Variants in TTC17 observed in about 807,000 individuals in gnomAD.
TTC17 encodes the protein tetratricopeptide repeat protein 17.
TTC17 carries 58 observed loss-of-function variants against 143.8 expected under a neutral mutation model. The ratio of observed to expected loss-of-function variants is 0.40; its 90% CI spans 0.33 to 0.50. TTC17 has a LOEUF of 0.50. TTC17 is among the 20% of genes least tolerant of loss of function. The probability of loss-of-function intolerance (pLI) is 0.49; values close to 1 mark genes in which losing one functional copy is unlikely to be tolerated. For missense variants in TTC17, 1,273 were observed against 1,392.5 expected, an observed-to-expected ratio of 0.91 and a Z score of 1.37; for synonymous variants, 501 against 497.8, an observed-to-expected ratio of 1.01 and a Z score of -0.09.
At chr11:43,378,949 A>T (rs865986072) in intron 1 of TTC17, 17 of 310,942 alleles carry the variant, frequency 5.5e-5, no homozygotes, top group African/African-American at 3.8e-4. Flanking sequence ...TACTTTATCA[A>T]TCATTGCCAA....
chr11:43,406,049 G>A (rs934637195), intron 13 of TTC17, 98 bp downstream of exon 13: 1 of 1,342,528 alleles, frequency 7.4e-7, no homozygotes, highest in African/African-American at 1.5e-5. Flanking sequence ...TAGCTGTTGA[G>A]CTTTAAGTGT....
Position 43,450,176 on chromosome 11 carries a change from G to A in TTC17, c.2881G>A (p.Asp961Asn). 1 of 1,614,108 alleles carries A rather than the reference G, an allele frequency of 6.2e-7. No homozygotes were observed. Among genetic ancestry groups the A allele is most frequent in the Non-Finnish European group, 8.5e-7 (1 of 1,180,024 alleles). The change falls in exon 20 of 24, where the codon GAC (aspartate) becomes AAC (asparagine). Residue 961 changes from aspartate to asparagine, a missense_variant. Coordinates refer to ENST00000039989, the MANE Select transcript of TTC17 (RefSeq NM_018259.6). ...GNLPTSMHTL[D>N]HLHGVSNRAS... ...TCTCCCCACGAGTATGCATACCCTG[G>A]ACCACTTGCATGGGGTTTCCAACCG...
intron 17 of TTC17, 149 bp from the exon 18 acceptor site, chr11:43,443,907 C>A: frequency 1.0e-6 from 1 of 964,124 alleles, no homozygotes; most frequent in Non-Finnish European, 1.5e-6. Context: ...ATTTCACTAA[C>A]CATTTTTTAT....
chr11:43,400,602 G>A (rs1857811756), intron 9 of TTC17, among the ~76,000 whole-genome samples: 1 of 152,138 alleles, frequency 6.6e-6, no homozygotes, highest in African/African-American at 2.4e-5. Flanking sequence ...TTTTAGACTG[G>A]AATTCTTAAC....
intron 11 of TTC17, 27 bp from the exon 12 acceptor site, chr11:43,405,487 T>G: frequency 6.4e-7 from 1 of 1,558,948 alleles, no homozygotes; most frequent in Non-Finnish European, 8.8e-7. Context: ...CCAAAGAAAT[T>G]TATGAGAAAT....
rs763876015 is a variant in TTC17, at chr11:43,444,158, C to A, written c.2614C>A (p.Gln872Lys). ...TCAGATAGAAAATGGACATCGTTACCAAGCAAACCTAGAGATCACTGGCCC... is the reference window on the plus strand; with the variant it reads ...TCAGATAGAAAATGGACATCGTTACAAAGCAAACCTAGAGATCACTGGCCC... ...TGQIENGHRY[Q>K]ANLEITGPKV... The change falls in exon 18 of 24, where the codon CAA becomes AAA. Residue 872 changes from glutamine to lysine, a missense_variant. Coordinates refer to ENST00000039989, the MANE Select transcript of TTC17 (RefSeq NM_018259.6). 6.2e-7 allele frequency: 1 copy of A among 1,613,172 alleles called. No homozygotes were observed. The highest frequency in any genetic ancestry group is 1.1e-5 in the South Asian group (1 of 90,872).
rs3083209 is a variant in TTC17 at position 43,367,714 on chromosome 11, C to CTGTG, written c.159+8631_159+8634dup. On this transcript the variant is annotated intron_variant, in intron 1 of 23. Transcript: ENST00000039989. ...GCAGAAGTGAAAACAAGGGGAATGT[C>CTGTG]TGTGTGTGTGTGTGTGTGTGTGTGT... 8.2e-3 allele frequency among the ~76,000 whole-genome samples: 1,206 copies of CTGTG among 147,178 alleles called. 7 individuals are homozygous for CTGTG. The highest frequency in any genetic ancestry group is 0.013 in the East Asian group (62 of 4,952).
intron 21 of TTC17, among the ~76,000 whole-genome samples, chr11:43,457,249 C>G (rs1410665104): frequency 6.6e-6 from 1 of 152,002 alleles, no homozygotes; most frequent in Non-Finnish European, 1.5e-5. Flanking sequence ...ATGACCCAGA[C>G]AGATTGAGTC....
intron 21 of TTC17, among the ~76,000 whole-genome samples, chr11:43,454,939 T>C (rs1947734841): frequency 6.6e-6 from 1 of 151,996 alleles, no homozygotes; most frequent in African/African-American, 2.4e-5. Context: ...TTATTAGATA[T>C]ATCAAACTCT....
At chr11:43,456,179 AACACACAC>A (rs57261729) in intron 21 of TTC17, among the ~76,000 whole-genome samples, 12,982 of 146,254 alleles carry the variant, frequency 0.089, 826 homozygotes, top group Admixed American at 0.23. Context: ...TTAGCACAAT[AACACACAC>A]ACACACACAC....
In TTC17 at chr11:43,444,068, G is replaced by T. The variant is rs752402133; in HGVS notation, c.2524G>T (p.Val842Phe). The T allele has an allele frequency of 6.2e-7, 1 of 1,607,510 alleles. No individual in the cohort carries two copies. Among genetic ancestry groups the T allele is most frequent in the East Asian group, 2.2e-5 (1 of 44,748 alleles). Residue 842 changes from valine to phenylalanine, a missense_variant, in exon 18 of 24, where the codon GTC (valine) becomes TTC (phenylalanine). By Grantham distance (50) the Val-to-Phe change is conservative. Coordinates refer to ENST00000039989, the MANE Select transcript of TTC17 (RefSeq NM_018259.6). ...DEATEWITFQ[V>F]KRVKKPKGDH... ...TTCTGTTTCCCAGATTACATTCCAG[G>T]TCAAACGTGTAAAGAAACCCAAAGG...
chr11:43,472,050 TAAAC>T (rs1267008177), intron 21 of TTC17, among the ~76,000 whole-genome samples: 1 of 151,934 alleles, frequency 6.6e-6, no homozygotes, highest in Non-Finnish European at 1.5e-5. Context: ...CAGTTAAAAT[TAAAC>T]AAATTTTAAA....
chr11:43,443,615 T>G, intron 17 of TTC17, 31 bp downstream of exon 17: 1 of 1,586,508 alleles, frequency 6.3e-7, no homozygotes, highest in Non-Finnish European at 8.6e-7. Flanking sequence ...CTCACAAAAT[T>G]GTAGCCCATG....
rs937849094 is a variant in TTC17, at chr11:43,387,543, A to G, written c.250-2109A>G. Among the ~76,000 whole-genome samples, 3 of 152,174 alleles carry G rather than the reference A, an allele frequency of 2.0e-5. No individual in the cohort carries two copies. In the East Asian group the frequency reaches 5.8e-4, roughly 29 times the overall value. ...CCCAAAAATCTTAATGGCATAAACAATAAGGTCATGCTAAGTGATCATTTG... is the reference window on the plus strand; with the variant it reads ...CCCAAAAATCTTAATGGCATAAACAGTAAGGTCATGCTAAGTGATCATTTG... On this transcript the variant is annotated intron_variant, in intron 2 of 23. Transcript: ENST00000039989.
intron 1 of TTC17, 114 bp from the exon 2 acceptor site, chr11:43,379,119 A>G (rs1218045170): frequency 4.1e-6 from 4 of 970,936 alleles, no homozygotes; most frequent in African/African-American, 3.3e-5. Context: ...TTGCTGAGGA[A>G]TAACGCTGAT....
At chr11:43,413,050 A>C (rs555777376) in intron 15 of TTC17, among the ~76,000 whole-genome samples, 1 of 151,292 alleles carries the variant, frequency 6.6e-6, no homozygotes, top group Non-Finnish European at 1.5e-5. Context: ...GGTGATGGGG[A>C]GGAACAGAGT....
intron 9 of TTC17, 113 bp from the exon 10 acceptor site, chr11:43,401,333 G>T: frequency 3.2e-6 from 2 of 617,966 alleles, no homozygotes; most frequent in African/African-American, 1.9e-5. Flanking sequence ...TACGTAAGTA[G>T]CCTGCTAGGC....
intron 15 of TTC17, among the ~76,000 whole-genome samples, chr11:43,409,786 G>A (rs567851805): frequency 4.0e-5 from 6 of 151,646 alleles, no homozygotes; most frequent in South Asian, 2.1e-4. Flanking sequence ...CCACCTCTCC[G>A]TTGTAACGTA....
chr11:43,475,223 GA>G (rs1948163346), intron 21 of TTC17, among the ~76,000 whole-genome samples: 1 of 152,174 alleles, frequency 6.6e-6, no homozygotes, highest in African/African-American at 2.4e-5. Flanking sequence ...CTTGGGACCA[GA>G]AGTGCTTTGA....
Sources: gnomAD v4.1 joint callset for allele counts (sites outside exome capture counted in the v4.1 genomes callset) on GRCh38, gnomAD v4.1.1 for gene constraint, MANE v1.5 for transcripts, NCBI Gene and HGNC (gene_info 2026-07-23, HGNC 2026-07-21) for gene names.